ADGRV1: variants seen among roughly 807,000 people sequenced by gnomAD.
ADGRV1 encodes the protein G-protein coupled receptor 98.
A neutral mutation model predicts 596.2 loss-of-function variants in ADGRV1; 359 were observed. The observed-to-expected ratio is 0.60, with a 90% CI of 0.55 to 0.66. The LOEUF (loss-of-function observed/expected upper bound fraction) is 0.66, where lower values mean the gene tolerates loss of function less well. Among genes scored for constraint, ADGRV1 ranks in the 30% least tolerant of loss-of-function variants. The pLI is 0.00. For synonymous variants in ADGRV1, 2,681 were observed against 2,679.2 expected (o/e 1.00, Z -0.02); for missense variants, 7,274 against 7,575.6 (o/e 0.96, Z 1.48).
chr5:90,681,112 G>A lies in ADGRV1; in HGVS notation c.5525-203G>A, dbSNP rs186326685. ...TGCTTATGCAGCACTTGTACATCAC[G>A]TTGGTGCCAAAGTAGAGAAAGGTCA... On this transcript the variant is annotated intron_variant, in intron 26 of 89. Coordinates refer to ENST00000405460, the MANE Select transcript of ADGRV1 (RefSeq NM_032119.4). Among the ~76,000 whole-genome samples the A allele has an allele frequency of 5.6e-4, 85 of 152,286 alleles. 2 individuals carry two copies. The highest frequency in any genetic ancestry group is 4.8e-5 in the African/African-American group (2 of 41,560).
At chr5:91,030,851 C>G (rs552090801) in intron 85 of ADGRV1, 146 of 419,642 alleles carry the variant, frequency 3.5e-4, no homozygotes, top group Non-Finnish European at 5.5e-4. Context: ...AAAGATACCC[C>G]CTAATTACAT....
intron 87 of ADGRV1, among the ~76,000 whole-genome samples, chr5:91,141,033 T>C (rs1795054160): frequency 6.6e-6 from 1 of 152,238 alleles, no homozygotes; most frequent in Non-Finnish European, 1.5e-5. Context: ...ATGTTTCTTA[T>C]GTCCATAAGT....
chr5:91,010,425 T>C (rs1033851112), intron 85 of ADGRV1, among the ~76,000 whole-genome samples: 1 of 152,080 alleles, frequency 6.6e-6, no homozygotes, highest in Non-Finnish European at 1.5e-5. Context: ...TTTCATTGAC[T>C]TTTGTTTGGC....
intron 1 of ADGRV1, among the ~76,000 whole-genome samples, chr5:90,604,007 C>T (rs1302064041): frequency 6.6e-6 from 1 of 151,128 alleles, no homozygotes; most frequent in Non-Finnish European, 1.5e-5. Flanking sequence ...CCTCTTTGAC[C>T]CTAGTCTGAG....
At position 90,618,182 on chromosome 5, in the gene ADGRV1, T is replaced by A. The variant is rs58864514; in HGVS notation, c.357+229T>A. ...TAGTTTTTGGATCCATTCAGCTTAC[T>A]CGGGAATTGCCATGACAGTTGCTCC... On this transcript the variant is annotated intron_variant, in intron 3 of 89. Coordinates refer to ENST00000405460, the MANE Select transcript of ADGRV1 (RefSeq NM_032119.4). Among the ~76,000 whole-genome samples the A allele has an allele frequency of 2.4e-3, 366 of 152,330 alleles. No individual in the cohort carries two copies. The highest frequency in any genetic ancestry group is 8.5e-3 in the African/African-American group (352 of 41,580).
chr5:90,758,752 G>C lies in ADGRV1; in HGVS notation c.11941-657G>C, dbSNP rs192341869. 1.5e-4 allele frequency among the ~76,000 whole-genome samples: 23 copies of C among 152,238 alleles called. No individual in the cohort carries two copies. In the East Asian group the frequency reaches 4.0e-3, roughly 27 times the overall value. On this transcript the variant is annotated intron_variant, in intron 57 of 89. Coordinates refer to ENST00000405460, the MANE Select transcript of ADGRV1 (RefSeq NM_032119.4). ...CATTGGAATATTTTTATGACCAATAGTGAAACTGCAAGCTGGATCAAGTTT... is the reference window on the plus strand; with the variant it reads ...CATTGGAATATTTTTATGACCAATACTGAAACTGCAAGCTGGATCAAGTTT...
intron 87 of ADGRV1, among the ~76,000 whole-genome samples, chr5:91,118,545 A>G (rs1426041602): frequency 6.6e-6 from 1 of 152,146 alleles, no homozygotes; most frequent in African/African-American, 2.4e-5. Flanking sequence ...CCTTCCACTG[A>G]TACTGACTCT....
intron 83 of ADGRV1, among the ~76,000 whole-genome samples, chr5:90,894,849 G>T (rs1328159788): frequency 6.6e-6 from 1 of 152,120 alleles, no homozygotes; most frequent in Admixed American, 6.6e-5. Flanking sequence ...CCTAAGTCTG[G>T]TCCTTAAGTC....
At chr5:90,584,543 T>TCAAGAA (rs1173425019) in intron 1 of ADGRV1, among the ~76,000 whole-genome samples, 1 of 152,174 alleles carries the variant, frequency 6.6e-6, no homozygotes, top group Non-Finnish European at 1.5e-5. Flanking sequence ...GTATACAGGG[T>TCAAGAA]TCTTGGGGCA....
chr5:90,923,575 C>T (rs986233477), intron 83 of ADGRV1, among the ~76,000 whole-genome samples: 2 of 152,110 alleles, frequency 1.3e-5, no homozygotes, highest in African/African-American at 4.8e-5. Context: ...ACAATACAGT[C>T]AGTGTTGCAA....
At chr5:90,620,008 C>A (rs1003472322) in intron 4 of ADGRV1, among the ~76,000 whole-genome samples, 1 of 151,940 alleles carries the variant, frequency 6.6e-6, no homozygotes, top group Non-Finnish European at 1.5e-5. Context: ...CATTGTTGGA[C>A]ATTTGGGTTG....
intron 83 of ADGRV1, among the ~76,000 whole-genome samples, chr5:90,909,569 G>A (rs1772655818): frequency 6.6e-6 from 1 of 152,066 alleles, no homozygotes; most frequent in Non-Finnish European, 1.5e-5. Flanking sequence ...CAACTTGCTT[G>A]GTATGAAGGG....
intron 86 of ADGRV1, among the ~76,000 whole-genome samples, chr5:91,075,217 TA>T (rs559336333): frequency 2.6e-3 from 401 of 152,320 alleles, no homozygotes; most frequent in African/African-American, 9.3e-3. Context: ...GCTATGCTTT[TA>T]ATCAACTTGG....
intron 21 of ADGRV1, 100 bp downstream of exon 21, chr5:90,658,378 C>T: frequency 2.7e-6 from 3 of 1,104,400 alleles, no homozygotes; most frequent in Non-Finnish European, 3.7e-6. Context: ...GGTTGCGCAT[C>T]TACTCCAAGT....
intron 83 of ADGRV1, among the ~76,000 whole-genome samples, chr5:90,910,201 C>A (rs1772730562): frequency 6.6e-6 from 1 of 152,270 alleles, no homozygotes; most frequent in Admixed American, 6.5e-5. Context: ...GAAGCTACTA[C>A]TTGTGACGCA....
intron 83 of ADGRV1, among the ~76,000 whole-genome samples, chr5:90,945,599 G>A (rs1163274303): frequency 6.6e-5 from 10 of 152,116 alleles, no homozygotes; most frequent in African/African-American, 2.4e-4. Flanking sequence ...AGGGAGCAGT[G>A]GATGATACCT....
At chr5:91,109,853 A>T (rs1283251155) in intron 87 of ADGRV1, among the ~76,000 whole-genome samples, 1 of 152,218 alleles carries the variant, frequency 6.6e-6, no homozygotes, top group East Asian at 1.9e-4. Context: ...TTCTCTGACC[A>T]ACAGAAGGGG....
At chr5:90,931,783 C>A (rs1316844104) in intron 83 of ADGRV1, among the ~76,000 whole-genome samples, 1 of 152,142 alleles carries the variant, frequency 6.6e-6, no homozygotes, top group African/African-American at 2.4e-5. Flanking sequence ...GAAATGAAAT[C>A]ACTCTTTCTG....
intron 1 of ADGRV1, among the ~76,000 whole-genome samples, chr5:90,599,763 G>T (rs1761173737): frequency 6.6e-6 from 1 of 152,154 alleles, no homozygotes; most frequent in East Asian, 1.9e-4. Flanking sequence ...GTATGAGGCG[G>T]ATGGAGAAAT....
Sources: allele counts gnomAD v4.1 joint callset (sites outside exome capture counted in the v4.1 genomes callset), GRCh38; gene constraint gnomAD v4.1.1; transcripts MANE v1.5; gene names NCBI Gene and HGNC (gene_info 2026-07-23, HGNC 2026-07-21).